Variants in CEP63 observed in about 807,000 individuals in gnomAD.
The protein encoded by CEP63 is centrosomal protein of 63 kDa.
A neutral mutation model predicts 89.1 loss-of-function variants in CEP63; 84 were observed. The observed-to-expected ratio is 0.94, with a 90% CI of 0.79 to 1.13. CEP63 has a LOEUF of 1.13. CEP63 is among the 50% of genes most tolerant of loss of function. The pLI is 0.00. For synonymous variants in CEP63, 267 were observed against 272.5 expected, an observed-to-expected ratio of 0.98 and a Z score of 0.20; for missense variants, 838 against 813.3, an observed-to-expected ratio of 1.03 and a Z score of -0.37.
rs1214900340 is a variant in CEP63 at position 134,526,011 on chromosome 3, T to C, written c.223-5834T>C. 3.3e-5 allele frequency among the ~76,000 whole-genome samples: 5 copies of C among 152,340 alleles called. No individual in the cohort carries two copies. The East Asian group carries it at 9.6e-4, about 29-fold the overall frequency. ...AGGTTGGGAAAGTTCTTATGGATGATATCCTGAAATATGTTTTCCAGATTG... is the reference window on the plus strand; with the variant it reads ...AGGTTGGGAAAGTTCTTATGGATGACATCCTGAAATATGTTTTCCAGATTG... On this transcript the variant is annotated intron_variant, in intron 3 of 14. Coordinates refer to ENST00000675561, the MANE Select transcript of CEP63 (RefSeq NM_001353108.3).
the CEP63 span, among the ~76,000 whole-genome samples, chr3:134,713,830 C>G: frequency 6.6e-6 from 1 of 152,202 alleles, no homozygotes; most frequent in African/African-American, 2.4e-5. Flanking sequence ...GTAATAACTT[C>G]CTCATTTGTA....
At chr3:134,704,655 G>C in the CEP63 span, among the ~76,000 whole-genome samples, 2 of 152,356 alleles carry the variant, frequency 1.3e-5, no homozygotes, top group East Asian at 3.9e-4. Context: ...GCCCATGCCT[G>C]CTATTTGCAG....
the CEP63 span, among the ~76,000 whole-genome samples, chr3:134,777,536 A>C: frequency 1.5e-4 from 23 of 152,042 alleles, no homozygotes; most frequent in Non-Finnish European, 2.2e-4. Flanking sequence ...CTCAATAACA[A>C]TACATGGAAA....
intron 14 of CEP63, 44 bp downstream of exon 14, chr3:134,559,473 T>C (rs1560050670): frequency 1.3e-6 from 2 of 1,554,346 alleles, no homozygotes; most frequent in Non-Finnish European, 1.8e-6. Context: ...GTTTTTTAAG[T>C]TTGCTTTGAT....
At chr3:134,781,515 G>C in the CEP63 span, among the ~76,000 whole-genome samples, 5 of 152,220 alleles carry the variant, frequency 3.3e-5, no homozygotes, top group African/African-American at 1.2e-4. Context: ...GAGGAAGGCG[G>C]GAGAGGGTGG....
In CEP63 at chr3:134,532,865, C is replaced by A. The variant is rs779176783; in HGVS notation, c.406C>A (p.Arg136=). The A allele has an allele frequency of 1.2e-6, 2 of 1,613,722 alleles. No individual in the cohort carries two copies. The highest frequency in any genetic ancestry group is 1.7e-6 in the Non-Finnish European group (2 of 1,179,776). ...RGNTKNHRED[R]SEIERLTAKI... ...AAATACCAAAAATCACAGGGAAGAT[C>A]GGTCTGAAATTGAGAGGTTAACTGC... Residue 136 remains arginine (R), a synonymous_variant, in exon 5 of 15, where the codon CGG becomes AGG. Transcript: ENST00000675561.
At chr3:134,650,824 C>G in the CEP63 span, 1 of 1,584,134 alleles carries the variant, frequency 6.3e-7, no homozygotes, top group Non-Finnish European at 8.6e-7. Flanking sequence ...GCGCGCGTTA[C>G]CTCCTCCGCG....
chr3:134,693,468 C>T, the CEP63 span, among the ~76,000 whole-genome samples: 1 of 152,226 alleles, frequency 6.6e-6, no homozygotes, highest in Non-Finnish European at 1.5e-5. Flanking sequence ...GTAAAAAAGC[C>T]CATTGTGTTT....
chr3:134,657,589 T>G, the CEP63 span, among the ~76,000 whole-genome samples: 2 of 152,206 alleles, frequency 1.3e-5, no homozygotes, highest in Non-Finnish European at 2.9e-5. Context: ...TTGTTGGACT[T>G]TTAGTTTGTT....
the CEP63 span, chr3:134,608,663 G>T: frequency 2.5e-6 from 4 of 1,614,038 alleles, no homozygotes; most frequent in South Asian, 3.3e-5. Context: ...TCTGATCATG[G>T]AAGTCTCTGG....
At chr3:134,582,090 A>C (rs1958369755) in intron 10 of CEP63, among the ~76,000 whole-genome samples, 1 of 151,880 alleles carries the variant, frequency 6.6e-6, no homozygotes, top group African/African-American at 2.4e-5. Flanking sequence ...GAAGATATAA[A>C]ATTCTAAATT....
chr3:134,647,916 C>T, the CEP63 span, among the ~76,000 whole-genome samples: 1 of 152,334 alleles, frequency 6.6e-6, no homozygotes, highest in South Asian at 2.1e-4. Context: ...GACCGTCAAT[C>T]CCAATGGGAA....
the CEP63 span, among the ~76,000 whole-genome samples, chr3:134,664,545 G>A: frequency 6.6e-6 from 1 of 152,222 alleles, no homozygotes; most frequent in Non-Finnish European, 1.5e-5. Flanking sequence ...AGATACATCA[G>A]GGTGGTGATG....
intron 12 of CEP63, among the ~76,000 whole-genome samples, chr3:134,553,903 C>T (rs79815306): frequency 6.6e-5 from 9 of 137,098 alleles, no homozygotes; most frequent in Non-Finnish European, 1.1e-4. Context: ...AAGTATTGTT[C>T]GCAATATCCA....
In CEP63 at chr3:134,562,614, T is replaced by C. The variant is rs1324304680; in HGVS notation, c.*1079T>C. ...TCACCCAAACACTTCTGGAAAGAGTTGTCTGCAGTGACTCTTTCCAGTTCC... is the reference window on the plus strand; with the variant it reads ...TCACCCAAACACTTCTGGAAAGAGTCGTCTGCAGTGACTCTTTCCAGTTCC... On this transcript the variant is annotated 3_prime_UTR_variant, in exon 15 of 15. Transcript: ENST00000675561. 2 of 152,186 alleles carry C rather than the reference T, an allele frequency of 1.3e-5. No individual in the cohort carries two copies. Among genetic ancestry groups the C allele is most frequent in the Non-Finnish European group, 2.9e-5 (2 of 68,030 alleles). The allele number at this position is 152,186 out of a possible 1,614,324, so 9.4% of individuals were successfully genotyped here.
chr3:134,704,536 G>A, the CEP63 span, among the ~76,000 whole-genome samples: 1 of 152,238 alleles, frequency 6.6e-6, no homozygotes, highest in African/African-American at 2.4e-5. Context: ...ATTCTTAGAA[G>A]TTTGTTCCAC....
rs1214635665 is a variant in CEP63, at chr3:134,562,172, T to TG, written c.*639dup. The TG allele has an allele frequency of 1.0e-6, 1 of 986,314 alleles. No homozygotes were observed. The highest frequency in any genetic ancestry group is 1.1e-4 in the East Asian group (1 of 8,822). 61.1% of individuals were successfully genotyped at this position (986,314 alleles called of 1,614,324 possible). A position where few individuals can be genotyped will look rare whatever the true frequency, so the allele number is the denominator to read the frequency against. ...GACTGGCTGTCATGCACGGTGCCCA[T>TG]GGAATATCCATTGGAAATAAATGTT... is the stretch of plus-strand genomic sequence containing the variant. On this transcript the variant is annotated 3_prime_UTR_variant, in exon 15 of 15. Coordinates refer to ENST00000675561, the MANE Select transcript of CEP63 (RefSeq NM_001353108.3).
At chr3:134,565,886 A>T (rs1024040112), downstream of CEP63, among the ~76,000 whole-genome samples, 7 of 152,220 alleles carry the variant, frequency 4.6e-5, no homozygotes, top group African/African-American at 1.7e-4. Context: ...CAACATTTTC[A>T]TAACTGGTAA....
At chr3:134,599,198 A>T in the CEP63 span, among the ~76,000 whole-genome samples, 3 of 152,294 alleles carry the variant, frequency 2.0e-5, no homozygotes, top group Admixed American at 2.0e-4. Flanking sequence ...AGCTTTGGGG[A>T]TGGCATTTTC....
Sources: allele counts gnomAD v4.1 joint callset (sites outside exome capture counted in the v4.1 genomes callset), GRCh38; gene constraint gnomAD v4.1.1; transcripts MANE v1.5; gene names NCBI Gene and HGNC (gene_info 2026-07-23, HGNC 2026-07-21).